KIAA1958: variants seen among roughly 807,000 people sequenced by gnomAD.
KIAA1958 encodes the protein KIAA1958.
In KIAA1958, 14 loss-of-function variants were observed where a neutral mutation model predicts 47.2. The ratio of observed to expected loss-of-function variants is 0.30; its 90% CI spans 0.20 to 0.46. The LOEUF (loss-of-function observed/expected upper bound fraction) is 0.46. KIAA1958 is among the 20% of genes least tolerant of loss of function. The probability of loss-of-function intolerance (pLI) is 1.00; values close to 1 mark genes in which losing one functional copy is unlikely to be tolerated. For synonymous variants in KIAA1958, 354 were observed against 353.3 expected, an observed-to-expected ratio of 1.00 and a Z score of -0.02; for missense variants, 803 against 909.2, an observed-to-expected ratio of 0.88 and a Z score of 1.50.
chr9:112,575,562 GTT>G (rs978908795), intron 2 of KIAA1958, among the ~76,000 whole-genome samples: 4 of 152,004 alleles, frequency 2.6e-5, no homozygotes, highest in Non-Finnish European at 4.4e-5. Flanking sequence ...ATTTTTGAAA[GTT>G]TTAAAAATAT....
intron 2 of KIAA1958, among the ~76,000 whole-genome samples, chr9:112,641,559 A>T (rs565367325): frequency 7.9e-5 from 12 of 151,498 alleles, no homozygotes; most frequent in African/African-American, 2.7e-4. Flanking sequence ...TTAATATCCT[A>T]AAGTTTCAAA....
intron 1 of KIAA1958, among the ~76,000 whole-genome samples, chr9:112,511,235 AAATGCACATTCTTGGGATCCATCCC>A (rs1410763067): frequency 6.6e-6 from 1 of 152,184 alleles, no homozygotes; most frequent in East Asian, 1.9e-4. Context: ...AATGTGTTAG[AAATGCACATTCTTGGGATCCATCCC>A]AGACAGACAT....
rs1467940240 is a variant in KIAA1958 at position 112,665,977 on chromosome 9, A to T, written c.*5908A>T. ...AATCTGTAGGCTATAGCACTGTCAT[A>T]GAAAAATATACCTTTTTTTTTTTTT... On this transcript the variant is annotated 3_prime_UTR_variant, in exon 4 of 4. Coordinates refer to ENST00000337530, the MANE Select transcript of KIAA1958 (RefSeq NM_133465.4). 1 of 150,978 alleles carries T rather than the reference A, an allele frequency of 6.6e-6. No homozygotes were observed. Among genetic ancestry groups the T allele is most frequent in the African/African-American group, 2.5e-5 (1 of 40,650 alleles). 9.4% of individuals were successfully genotyped at this position (150,978 alleles called of 1,614,324 possible).
At chr9:112,651,338 G>GAATTA (rs994847428) in intron 3 of KIAA1958, among the ~76,000 whole-genome samples, 5 of 149,738 alleles carry the variant, frequency 3.3e-5, no homozygotes, top group African/African-American at 1.2e-4. Context: ...GTCCACAATA[G>GAATTA]AATTAAATTA....
In KIAA1958 at chr9:112,553,159, GCCCTCTC is replaced by G. The variant is rs200593191; in HGVS notation, c.-24-20878_-24-20872del. Among the ~76,000 whole-genome samples the G allele has an allele frequency of 4.9e-3, 266 of 54,232 alleles. 4 individuals are homozygous for G. In the South Asian group the frequency reaches 0.069, roughly 14 times the overall value. 35.6% of individuals were successfully genotyped at this position (54,232 alleles called of 152,430 possible). On this transcript the variant is annotated intron_variant, in intron 1 of 3. Coordinates refer to ENST00000337530, the MANE Select transcript of KIAA1958 (RefSeq NM_133465.4). ...CCCCTCCCCTCTGCTCCCCTCCCCT[GCCCTCTC>G]CCCTCTCCCCTCTCCCCTCCCCTTC...
chr9:112,645,332 A>G (rs1318126171), intron 2 of KIAA1958, among the ~76,000 whole-genome samples: 3 of 152,168 alleles, frequency 2.0e-5, no homozygotes, highest in East Asian at 1.9e-4. Flanking sequence ...AAAATTTTAG[A>G]TAGAACAGTC....
intron 1 of KIAA1958, among the ~76,000 whole-genome samples, chr9:112,545,059 T>TAA (rs1470010331): frequency 6.6e-6 from 1 of 152,222 alleles, no homozygotes; most frequent in African/African-American, 2.4e-5. Flanking sequence ...AAGGTACTTA[T>TAA]AAAACCTCAA....
intron 2 of KIAA1958, among the ~76,000 whole-genome samples, chr9:112,636,942 A>G (rs943635916): frequency 3.9e-5 from 6 of 152,138 alleles, no homozygotes; most frequent in Non-Finnish European, 7.4e-5. Context: ...TTGATTAAAC[A>G]AGTCTTTTTT....
intron 1 of KIAA1958, among the ~76,000 whole-genome samples, chr9:112,570,283 C>G (rs951602082): frequency 6.6e-6 from 1 of 152,100 alleles, no homozygotes; most frequent in South Asian, 2.1e-4. Flanking sequence ...TGCTGGAGGG[C>G]GTTTTTTGAA....
At chr9:112,628,933 C>T (rs757883600) in intron 2 of KIAA1958, among the ~76,000 whole-genome samples, 2 of 152,260 alleles carry the variant, frequency 1.3e-5, no homozygotes, top group East Asian at 1.9e-4. Flanking sequence ...GTAACTCTAA[C>T]CCCGTAGGCC....
intron 1 of KIAA1958, among the ~76,000 whole-genome samples, chr9:112,523,154 T>TA (rs1834580433): frequency 6.6e-6 from 1 of 152,210 alleles, no homozygotes; most frequent in Admixed American, 6.5e-5. Flanking sequence ...GAAGTGGTAT[T>TA]ACATTCAAAT....
At chr9:112,530,131 C>T (rs761076087) in intron 1 of KIAA1958, among the ~76,000 whole-genome samples, 2 of 152,240 alleles carry the variant, frequency 1.3e-5, no homozygotes, top group African/African-American at 2.4e-5. Context: ...GCGTGAGCCA[C>T]CACATCCGGC....
In KIAA1958 at chr9:112,530,238, A is replaced by G. The variant is rs116414678; in HGVS notation, c.-25+43120A>G. 5.3e-3 allele frequency among the ~76,000 whole-genome samples: 813 copies of G among 152,302 alleles called. 4 individuals are homozygous for G. Among genetic ancestry groups the G allele is most frequent in the African/African-American group, 0.019 (769 of 41,560 alleles). On this transcript the variant is annotated intron_variant, in intron 1 of 3. Coordinates refer to ENST00000337530, the MANE Select transcript of KIAA1958 (RefSeq NM_133465.4). Reference sequence around the variant, plus strand: ...CTCTCCCATTTATTTATTTATATCAATATGAATTCTTATTTATTTTATACT... The same window carrying G: ...CTCTCCCATTTATTTATTTATATCAGTATGAATTCTTATTTATTTTATACT...
chr9:112,618,965 CTG>C lies in KIAA1958; in HGVS notation c.1172-26682_1172-26681del, dbSNP rs1836452971. The C allele has an allele frequency of 1.3e-6, 2 of 1,482,020 alleles. No individual in the cohort carries two copies. The highest frequency in any genetic ancestry group is 1.4e-5 in the African/African-American group (1 of 71,500). The allele number at this position is 1,482,020 out of a possible 1,614,324, so 91.8% of individuals were successfully genotyped here. ...AGTTTGGTTACTGTGTCCGGAGAAA[CTG>C]TGATTATACACCGCTTCTCGTTCCC... On this transcript the variant is annotated intron_variant, in intron 2 of 3. Transcript: ENST00000337530. This position sits in a 1 kb window ranked among gnomAD's most constrained non-coding sequence, Gnocchi z 7.1.
chr9:112,530,447 C>T (rs1834733936), intron 1 of KIAA1958, among the ~76,000 whole-genome samples: 1 of 152,052 alleles, frequency 6.6e-6, no homozygotes, highest in African/African-American at 2.4e-5. Flanking sequence ...ATAATTTTGC[C>T]TCTGATTTTC....
intron 1 of KIAA1958, among the ~76,000 whole-genome samples, chr9:112,547,986 C>T (rs1274754944): frequency 6.9e-6 from 1 of 144,570 alleles, no homozygotes; most frequent in Admixed American, 7.4e-5. Context: ...AACCAATTGC[C>T]AGTCAGAAAA....
At chr9:112,642,119 AG>A (rs928327219) in intron 2 of KIAA1958, among the ~76,000 whole-genome samples, 5 of 152,224 alleles carry the variant, frequency 3.3e-5, no homozygotes, top group African/African-American at 1.2e-4. Flanking sequence ...GGTAATTGAT[AG>A]GGATTTCCTT....
chr9:112,615,035 A>G (rs1836387293), intron 2 of KIAA1958, among the ~76,000 whole-genome samples: 1 of 152,220 alleles, frequency 6.6e-6, no homozygotes, highest in Non-Finnish European at 1.5e-5. Flanking sequence ...AATAGTCTTT[A>G]CCACTCACTT....
chr9:112,601,773 T>A (rs958689179), intron 2 of KIAA1958, among the ~76,000 whole-genome samples: 7 of 152,154 alleles, frequency 4.6e-5, no homozygotes, highest in Non-Finnish European at 7.3e-5. Flanking sequence ...AAATTTTTAT[T>A]AAGGAGAAAA....
Sources: allele counts gnomAD v4.1 joint callset (sites outside exome capture counted in the v4.1 genomes callset), GRCh38; gene constraint gnomAD v4.1.1; non-coding constraint Gnocchi (gnomAD v3.1); transcripts MANE v1.5; gene names NCBI Gene and HGNC (gene_info 2026-07-23, HGNC 2026-07-21).